Variants in CCDC178 observed in about 807,000 individuals in gnomAD.
CCDC178 encodes the protein coiled-coil domain-containing protein 178.
In CCDC178, 126 loss-of-function variants were observed where a neutral mutation model predicts 117.4. The observed-to-expected ratio is 1.07, with a 90% CI of 0.93 to 1.24. The LOEUF (loss-of-function observed/expected upper bound fraction) is 1.24, where lower values mean the gene tolerates loss of function less well. Among genes scored for constraint, CCDC178 ranks in the 50% most tolerant of loss-of-function variants. The probability of loss-of-function intolerance (pLI) is 0.00; values close to 1 mark genes in which losing one functional copy is unlikely to be tolerated. For synonymous variants in CCDC178, 283 were observed against 313.4 expected, an observed-to-expected ratio of 0.90 and a Z score of 1.02; for missense variants, 1,030 against 986.9, an observed-to-expected ratio of 1.04 and a Z score of -0.59.
chr18:32,960,489 C>A (rs548499112), intron 22 of CCDC178, among the ~76,000 whole-genome samples: 1 of 152,212 alleles, frequency 6.6e-6, no homozygotes, highest in South Asian at 2.1e-4. Context: ...TTGGTTACAT[C>A]AACAGTCAAG....
chr18:33,325,410 C>A (rs1341768645), intron 10 of CCDC178, among the ~76,000 whole-genome samples: 2 of 151,840 alleles, frequency 1.3e-5, no homozygotes, highest in Non-Finnish European at 2.9e-5. Context: ...CTGAAGAATT[C>A]TTTGGCAAAT....
At chr18:33,093,812 G>A (rs552664267) in intron 20 of CCDC178, among the ~76,000 whole-genome samples, 1 of 151,900 alleles carries the variant, frequency 6.6e-6, no homozygotes, top group African/African-American at 2.4e-5. Flanking sequence ...TAAGCAAAAT[G>A]CTTTATTCAT....
chr18:33,084,716 G>A (rs1339402124), intron 21 of CCDC178, among the ~76,000 whole-genome samples: 2 of 151,792 alleles, frequency 1.3e-5, no homozygotes, highest in Non-Finnish European at 2.9e-5. Context: ...GGAGGCTGAG[G>A]CAGGAGAATT....
At chr18:32,953,710 C>G in intron 22 of CCDC178, among the ~76,000 whole-genome samples, 1 of 152,144 alleles carries the variant, frequency 6.6e-6, no homozygotes, top group East Asian at 1.9e-4. Context: ...CACCTAGATA[C>G]TTTTTCTTCT....
At chr18:33,163,577 G>A (rs2058491696) in intron 20 of CCDC178, among the ~76,000 whole-genome samples, 2 of 152,090 alleles carry the variant, frequency 1.3e-5, no homozygotes, top group Admixed American at 6.6e-5. Flanking sequence ...CTTTAGATAA[G>A]ATTTCATATG....
chr18:33,001,657 G>A (rs2055636794), intron 21 of CCDC178, among the ~76,000 whole-genome samples: 1 of 151,954 alleles, frequency 6.6e-6, no homozygotes, highest in Admixed American at 6.6e-5. Flanking sequence ...ATAAGAAAAT[G>A]AGAGGACTAA....
intron 21 of CCDC178, among the ~76,000 whole-genome samples, chr18:33,075,519 T>C (rs1180758426): frequency 6.6e-6 from 1 of 152,194 alleles, no homozygotes; most frequent in Admixed American, 6.5e-5. Flanking sequence ...AAACATTTTA[T>C]GTATCTATAA....
In CCDC178 at chr18:33,392,108, G is replaced by A. The variant is rs545546790; in HGVS notation, c.119-2479C>T. On this transcript the variant is annotated intron_variant, in intron 4 of 22. Coordinates refer to ENST00000383096, the MANE Select transcript of CCDC178 (RefSeq NM_001105528.4). ...TCGAACTCCTGACCTCAGGTGATCC[G>A]CCCGCCTTGGCCTCCCAAAGTGCTG... Among the ~76,000 whole-genome samples the A allele has an allele frequency of 7.1e-4, 108 of 151,828 alleles. 1 individual carries two copies. The highest frequency in any genetic ancestry group is 2.6e-3 in the African/African-American group (106 of 41,400).
In CCDC178 at chr18:33,033,799, C is replaced by T. The variant is rs570456169; in HGVS notation, c.2388+58962G>A. On this transcript the variant is annotated intron_variant, in intron 21 of 22. Transcript: ENST00000383096. ...ATGTCATTTTTCAATACAACATACA[C>T]TTTTCAATTCTTACCTTACTTATCC... Among the ~76,000 whole-genome samples the T allele has an allele frequency of 3.3e-4, 50 of 152,044 alleles. No individual in the cohort carries two copies. In the South Asian group the frequency reaches 0.01, roughly 32 times the overall value.
At chr18:33,356,237 C>A in intron 7 of CCDC178, 87 bp downstream of exon 7, 1 of 1,287,402 alleles carries the variant, frequency 7.8e-7, no homozygotes, top group Admixed American at 3.1e-5. Context: ...TTTTCTATTC[C>A]TTTTGAAGTT....
chr18:32,949,436 A>G (rs994590667), intron 22 of CCDC178, among the ~76,000 whole-genome samples: 1 of 151,956 alleles, frequency 6.6e-6, no homozygotes, highest in Non-Finnish European at 1.5e-5. Context: ...TTTTAAAACT[A>G]TTTCTTTCTT....
chr18:33,264,982 T>C (rs2059795452), intron 14 of CCDC178, among the ~76,000 whole-genome samples: 1 of 152,082 alleles, frequency 6.6e-6, no homozygotes, highest in South Asian at 2.1e-4. Context: ...AGTGTCCTTA[T>C]TAGATCACCG....
At chr18:32,957,964 CCTCTTTAGTTAATAAATGAAGTAT>C in intron 22 of CCDC178, 1 of 257,562 alleles carries the variant, frequency 3.9e-6, no homozygotes. Context: ...AAATGAAGTA[CCTCTTTAGTTAATAAATGAAGTAT>C]CTCTTTAGTT....
intron 20 of CCDC178, among the ~76,000 whole-genome samples, chr18:33,094,762 A>G (rs271476): frequency 0.14 from 21,629 of 151,922 alleles, 2,385 homozygotes; most frequent in African/African-American, 0.31. Flanking sequence ...TATCGCAATT[A>G]GAATATATGC....
At chr18:32,996,270 T>C (rs939145049) in intron 21 of CCDC178, among the ~76,000 whole-genome samples, 1 of 151,916 alleles carries the variant, frequency 6.6e-6, no homozygotes, top group African/African-American at 2.4e-5. Flanking sequence ...CTGAAATATG[T>C]ATAAAGTCCC....
intron 20 of CCDC178, among the ~76,000 whole-genome samples, chr18:33,101,476 T>A (rs2057627273): frequency 6.6e-6 from 1 of 151,806 alleles, no homozygotes; most frequent in East Asian, 1.9e-4. Context: ...AAAGGTCAGT[T>A]AACACTAAAT....
intron 20 of CCDC178, among the ~76,000 whole-genome samples, chr18:33,102,810 A>G (rs1318467351): frequency 6.6e-6 from 1 of 151,876 alleles, no homozygotes; most frequent in Non-Finnish European, 1.5e-5. Context: ...GATCAGGGAT[A>G]AGCCAACTAT....
At chr18:33,253,252 T>C (rs1251597569) in intron 14 of CCDC178, among the ~76,000 whole-genome samples, 1 of 151,920 alleles carries the variant, frequency 6.6e-6, no homozygotes, top group East Asian at 1.9e-4. Flanking sequence ...AAATATGGCA[T>C]CTGTGTTTTA....
At chr18:33,227,719 C>T (rs1269134578) in intron 15 of CCDC178, among the ~76,000 whole-genome samples, 2 of 151,824 alleles carry the variant, frequency 1.3e-5, no homozygotes, top group African/African-American at 2.4e-5. Context: ...AGCCAGCAGG[C>T]CTCTGCTCTA....
Sources: gnomAD v4.1 joint callset for allele counts (sites outside exome capture counted in the v4.1 genomes callset) on GRCh38, gnomAD v4.1.1 for gene constraint, MANE v1.5 for transcripts, NCBI Gene and HGNC (gene_info 2026-07-23, HGNC 2026-07-21) for gene names.